The following WASL variants were observed in gnomAD, a reference collection of about 807,000 sequenced individuals.
WASL encodes the protein WASP like actin nucleation promoting factor.
Under a neutral mutation model 55.5 loss-of-function variants are expected in WASL, and 20 were observed. The ratio of observed to expected loss-of-function variants is 0.36; its 90% CI spans 0.25 to 0.52. The LOEUF (loss-of-function observed/expected upper bound fraction) is 0.52, where lower values mean the gene tolerates loss of function less well. Ranked by LOEUF, WASL falls within the 20% of genes least tolerant of loss-of-function variation. WASL has a pLI of 0.92. For synonymous variants in WASL, 249 were observed against 217.6 expected, an observed-to-expected ratio of 1.14 and a Z score of -1.27; for missense variants, 504 against 622.5, an observed-to-expected ratio of 0.81 and a Z score of 2.03.
intron 1 of WASL, among the ~76,000 whole-genome samples, chr7:123,732,344 A>G (rs1023257641): frequency 1.3e-5 from 2 of 152,102 alleles, no homozygotes; most frequent in Admixed American, 6.5e-5. Flanking sequence ...AATAAAAAAT[A>G]AAAAATAAAA....
At position 123,720,344 on chromosome 7, in the gene WASL, CAAAAAAAA is replaced by C. The variant is rs11377481; in HGVS notation, c.118-11129_118-11122del. The C allele has an allele frequency of 1.2e-3, 429 of 349,876 alleles. 4 individuals carry two copies. Among genetic ancestry groups the C allele is most frequent in the African/African-American group, 0.011 (391 of 36,392 alleles). The allele number at this position is 349,876 out of a possible 1,614,324, so 21.7% of individuals were successfully genotyped here. On this transcript the variant is annotated intron_variant, in intron 1 of 10. Transcript: ENST00000223023. The stretch of plus-strand genomic sequence containing the variant: ...ATACAAATAGGATACCATACAGCTG[CAAAAAAAA>C]AAAAAAAAAGTTGTTATTCAAGTAA...
In WASL at chr7:123,684,561, ATCT is replaced by A. The variant is rs1189825108; in HGVS notation, c.1473_1475del (p.Glu491del). On this transcript the variant is annotated inframe_deletion, in exon 11 of 11. Transcript: ENST00000223023. ...CATCATCCTCAAAATCTTCTTCATC[ATCT>A]TCATCTTCATCTTCATCTACAAGAA... 7 of 1,422,224 alleles carry A rather than the reference ATCT, an allele frequency of 4.9e-6. No individual in the cohort carries two copies. In the South Asian group the frequency reaches 8.9e-5, roughly 18 times the overall value. The allele number at this position is 1,422,224 out of a possible 1,614,324, so 88.1% of individuals were successfully genotyped here.
chr7:123,686,702 T>C (rs544082792), intron 10 of WASL, among the ~76,000 whole-genome samples: 7 of 152,214 alleles, frequency 4.6e-5, no homozygotes, highest in African/African-American at 7.2e-5. Context: ...AATGAAGACC[T>C]TTCTTTATCT....
chr7:123,707,423 T>C (rs747625035), intron 2 of WASL, among the ~76,000 whole-genome samples: 3 of 152,212 alleles, frequency 2.0e-5, no homozygotes, highest in Non-Finnish European at 2.9e-5. Flanking sequence ...ATAATTAAAA[T>C]GTATCAAGGT....
At chr7:123,747,488 A>G (rs1468559006) in intron 1 of WASL, among the ~76,000 whole-genome samples, 2 of 152,226 alleles carry the variant, frequency 1.3e-5, no homozygotes, top group South Asian at 2.1e-4. Flanking sequence ...AATGAATCCA[A>G]TAACTTTCCA....
chr7:123,734,082 G>C (rs189755606), intron 1 of WASL, among the ~76,000 whole-genome samples: 7 of 152,146 alleles, frequency 4.6e-5, no homozygotes, highest in Non-Finnish European at 4.4e-5. Flanking sequence ...TGACTTTTTA[G>C]ATACAATACC....
chr7:123,686,750 T>C (rs1397957341), intron 10 of WASL, among the ~76,000 whole-genome samples: 2 of 152,134 alleles, frequency 1.3e-5, no homozygotes, highest in African/African-American at 4.8e-5. Context: ...GCTTGAGATT[T>C]TTAGATCTCA....
In WASL at chr7:123,683,534, C is replaced by G. The variant is rs1328886668; in HGVS notation, c.*985G>C. 1 of 151,864 alleles carries G rather than the reference C, an allele frequency of 6.6e-6. No individual in the cohort carries two copies. The allele number at this position is 151,864 out of a possible 1,614,324, so 9.4% of individuals were successfully genotyped here. On this transcript the variant is annotated 3_prime_UTR_variant, in exon 11 of 11. Transcript: ENST00000223023. ...TTCGGTTCCGTGTTTTAGCGCACAC[C>G]TTTGCCAACTAGATTACATTTTTAT... is the stretch of plus-strand genomic sequence containing the variant.
At chr7:123,735,206 T>C (rs1313253619) in intron 1 of WASL, among the ~76,000 whole-genome samples, 1 of 151,794 alleles carries the variant, frequency 6.6e-6, no homozygotes, top group Non-Finnish European at 1.5e-5. Flanking sequence ...TTAAGTATTA[T>C]TGTAAAGAGC....
intron 1 of WASL, among the ~76,000 whole-genome samples, chr7:123,739,841 CCTCT>C (rs757732317): frequency 5.6e-4 from 85 of 151,628 alleles, no homozygotes; most frequent in Admixed American, 3.9e-4. Flanking sequence ...ACCTATCTCT[CCTCT>C]CTATTATTCA....
At chr7:123,712,168 T>C (rs1803769742) in intron 1 of WASL, among the ~76,000 whole-genome samples, 2 of 152,178 alleles carry the variant, frequency 1.3e-5, no homozygotes, top group South Asian at 4.1e-4. Flanking sequence ...GGTTTTTTTT[T>C]CACATTTCTG....
chr7:123,690,075 G>A (rs1466525295), intron 9 of WASL, among the ~76,000 whole-genome samples: 1 of 152,006 alleles, frequency 6.6e-6, no homozygotes, highest in Non-Finnish European at 1.5e-5. Context: ...TTCCAGTATA[G>A]AAGTACCACA....
At chr7:123,721,305 TTA>T (rs1437369624) in intron 1 of WASL, among the ~76,000 whole-genome samples, 1 of 18,572 alleles carries the variant, frequency 5.4e-5, no homozygotes, top group African/African-American at 1.4e-4. Context: ...ATAAGCACTT[TTA>T]GTTTGCTTGA....
rs1184896463 is a variant in WASL, at chr7:123,740,979, T to C, written c.117+7639A>G. On this transcript the variant is annotated intron_variant, in intron 1 of 10. Coordinates refer to ENST00000223023, the MANE Select transcript of WASL (RefSeq NM_003941.4). ...GGTACTCCCCATGTCTATTGGGTTC[T>C]CTGGGTACTTGGATTTCCTCCCACA... Among the ~76,000 whole-genome samples the C allele has an allele frequency of 3.9e-5, 6 of 152,342 alleles. No individual in the cohort carries two copies. The East Asian group carries it at 1.2e-3, about 29-fold the overall frequency.
At chr7:123,692,224 G>C in intron 9 of WASL, 123 bp downstream of exon 9, 1 of 1,314,780 alleles carries the variant, frequency 7.6e-7, no homozygotes, top group Middle Eastern at 2.7e-4. Context: ...TAAATTTATA[G>C]GGTTAAGAAT....
At chr7:123,687,822 G>T (rs2099468329) in intron 10 of WASL, among the ~76,000 whole-genome samples, 1 of 151,838 alleles carries the variant, frequency 6.6e-6, no homozygotes, top group African/African-American at 2.4e-5. Flanking sequence ...TGTAATGGAG[G>T]GTAGGTACAA....
chr7:123,705,801 C>A (rs570441315), intron 4 of WASL, among the ~76,000 whole-genome samples: 2 of 152,220 alleles, frequency 1.3e-5, no homozygotes, highest in East Asian at 3.9e-4. Context: ...AAAGACAAGG[C>A]AATGTTTACA....
chr7:123,734,590 GT>G (rs1562966005), intron 1 of WASL, among the ~76,000 whole-genome samples: 2 of 41,354 alleles, frequency 4.8e-5, no homozygotes, highest in African/African-American at 1.8e-4. Context: ...TATAGAAAAT[GT>G]AAAAAAAAAA....
Position 123,709,122 on chromosome 7 carries a change from C to T in WASL, c.219G>A (p.Gln73=), listed in dbSNP as rs1803717142. The change falls in exon 2 of 11, where the codon CAG becomes CAA. Residue 73 remains glutamine (Q), a synonymous_variant. Coordinates refer to ENST00000223023, the MANE Select transcript of WASL (RefSeq NM_003941.4). Reference sequence around the variant, plus strand: ...CAAATATTCTTAAAAAATAAGATCTCTGTGGATTGTCCTTAACAAGACAAG... The same window carrying T: ...CAAATATTCTTAAAAAATAAGATCTTTGTGGATTGTCCTTAACAAGACAAG... ...GVACLVKDNP[Q]RSYFLRIFDI... is the part of the protein sequence containing the mutation. 1 of 1,610,418 alleles carries T rather than the reference C, an allele frequency of 6.2e-7. No homozygotes were observed. Among genetic ancestry groups the T allele is most frequent in the Non-Finnish European group, 8.5e-7 (1 of 1,177,930 alleles).
Sources: allele counts gnomAD v4.1 joint callset (sites outside exome capture counted in the v4.1 genomes callset), GRCh38; gene constraint gnomAD v4.1.1; transcripts MANE v1.5; gene names NCBI Gene and HGNC (gene_info 2026-07-23, HGNC 2026-07-21).